STOX2: variants seen among roughly 807,000 people sequenced by gnomAD.
STOX2 encodes the protein storkhead-box protein 2.
Under a neutral mutation model 60.9 loss-of-function variants are expected in STOX2, and 28 were observed. That is an observed-to-expected ratio of 0.46 (90% CI 0.34 to 0.63). STOX2 has a LOEUF of 0.63. STOX2 is among the 30% of genes least tolerant of loss of function. The pLI is 0.01. For missense variants in STOX2, 1,024 were observed against 1,187.7 expected (o/e 0.86, Z 2.03); for synonymous variants, 472 against 463.9 (o/e 1.02, Z -0.22).
chr4:183,843,254 G>A (rs1362176799), intron 1 of STOX2, among the ~76,000 whole-genome samples: 2 of 152,026 alleles, frequency 1.3e-5, no homozygotes, highest in African/African-American at 4.8e-5. Context: ...GACTCTTTTT[G>A]GGAGGAGGGA....
At chr4:184,002,573 C>T (rs1223528784) in intron 2 of STOX2, among the ~76,000 whole-genome samples, 1 of 152,172 alleles carries the variant, frequency 6.6e-6, no homozygotes, top group Non-Finnish European at 1.5e-5. Context: ...TGTACCCATC[C>T]GATTTAGAAA....
chr4:183,819,020 A>AC (rs1228974842), intron 1 of STOX2, among the ~76,000 whole-genome samples: 72 of 151,508 alleles, frequency 4.8e-4, no homozygotes, highest in African/African-American at 1.6e-3. Flanking sequence ...CACTTCCTAG[A>AC]TGGGATGGCG....
chr4:183,903,961 C>T (rs116763126), upstream of STOX2, among the ~76,000 whole-genome samples: 1 of 152,188 alleles, frequency 6.6e-6, no homozygotes, highest in Non-Finnish European at 1.5e-5. Context: ...AATATACACT[C>T]ACCATAATGT....
chr4:183,879,138 C>T (rs1038707349), intron 1 of STOX2, among the ~76,000 whole-genome samples: 4 of 152,126 alleles, frequency 2.6e-5, no homozygotes, highest in Non-Finnish European at 4.4e-5. Context: ...GAAGATTAGA[C>T]GTGTGTATGG....
intron 1 of STOX2, among the ~76,000 whole-genome samples, chr4:183,958,688 T>C (rs1228346612): frequency 6.6e-6 from 1 of 152,212 alleles, no homozygotes; most frequent in Non-Finnish European, 1.5e-5. Flanking sequence ...TGTTGGTTAC[T>C]TGAAGTAAGA....
At position 183,942,335 on chromosome 4, in the gene STOX2, G is replaced by C. The variant is rs187641771; in HGVS notation, c.166+35379G>C. Among the ~76,000 whole-genome samples, 516 of 128,774 alleles carry C rather than the reference G, an allele frequency of 4.0e-3. 13 individuals are homozygous for C. The highest frequency in any genetic ancestry group is 0.029 in the Admixed American group (352 of 12,310). 84.5% of individuals were successfully genotyped at this position (128,774 alleles called of 152,430 possible). On this transcript the variant is annotated intron_variant, in intron 1 of 3. Coordinates refer to ENST00000308497, the MANE Select transcript of STOX2 (RefSeq NM_020225.3). Reference sequence around the variant, plus strand: ...TATATATATATGTGCCAGGCTTCTAGGTTTTTTTTTTTTTTTTTTAGACAA... The same window carrying C: ...TATATATATATGTGCCAGGCTTCTACGTTTTTTTTTTTTTTTTTTAGACAA...
chr4:183,996,254 C>T (rs543498475), intron 1 of STOX2, among the ~76,000 whole-genome samples: 1 of 152,254 alleles, frequency 6.6e-6, no homozygotes, highest in Admixed American at 6.5e-5. Flanking sequence ...CTATCTACTC[C>T]TTTTTTAGAA....
chr4:183,844,875 A>T lies in STOX2; in HGVS notation c.364+46820A>T, dbSNP rs960809663. Among the ~76,000 whole-genome samples, 5 of 152,336 alleles carry T rather than the reference A, an allele frequency of 3.3e-5. No homozygotes were observed. In the East Asian group the frequency reaches 9.6e-4, roughly 29 times the overall value. ...GACTAAAACATGGACTCTGACCCCA[A>T]GGCTAAAATGTTATTTCACATGTGC... is the stretch of plus-strand genomic sequence containing the variant. On this transcript the variant is annotated intron_variant, in intron 1 of 2. Coordinates refer to the STOX2 transcript ENST00000513034.
At chr4:183,799,456 A>G (rs1158243961) in intron 1 of STOX2, among the ~76,000 whole-genome samples, 1 of 152,246 alleles carries the variant, frequency 6.6e-6, no homozygotes, top group Non-Finnish European at 1.5e-5. Context: ...CACCGTATAG[A>G]TTGCTCTACA....
chr4:183,962,931 C>T (rs1743453520), intron 1 of STOX2, among the ~76,000 whole-genome samples: 1 of 152,116 alleles, frequency 6.6e-6, no homozygotes, highest in African/African-American at 2.4e-5. Flanking sequence ...GGTTATTAAG[C>T]AGTAGAAGCA....
chr4:183,813,154 G>T (rs187336353), intron 1 of STOX2, among the ~76,000 whole-genome samples: 223 of 152,180 alleles, frequency 1.5e-3, no homozygotes, highest in African/African-American at 5.3e-3. Flanking sequence ...GAAGCCGAGG[G>T]GGGCAGATCA....
intron 1 of STOX2, among the ~76,000 whole-genome samples, chr4:183,807,258 C>T (rs1397557587): frequency 6.6e-6 from 1 of 152,212 alleles, no homozygotes; most frequent in Non-Finnish European, 1.5e-5. Context: ...AGGCCTGAAC[C>T]ACCGCGCCCG....
intron 1 of STOX2, among the ~76,000 whole-genome samples, chr4:183,973,571 A>G (rs1414357828): frequency 6.6e-6 from 1 of 152,260 alleles, no homozygotes; most frequent in African/African-American, 2.4e-5. Flanking sequence ...TCACTGCCAG[A>G]AGACTTGCTC....
chr4:184,012,929 C>T (rs531571330), intron 3 of STOX2, among the ~76,000 whole-genome samples: 34 of 151,936 alleles, frequency 2.2e-4, no homozygotes, highest in African/African-American at 8.0e-4. Context: ...CTCTTGAGTT[C>T]CCGGTAGTGG....
rs1734056137 is a variant in STOX2, at chr4:184,009,772, A to T, written c.934A>T (p.Met312Leu). Residue 312 changes from methionine to leucine, a missense_variant, in exon 3 of 4, where the codon ATG becomes TTG. Physicochemically the swap from Met to Leu is conservative, Grantham distance 15. Around this residue, in one of 3 missense-constraint regions of STOX2, gnomAD observed 922 missense variants for 1,058.3 expected, o/e 0.87. Coordinates refer to ENST00000308497, the MANE Select transcript of STOX2 (RefSeq NM_020225.3). This position sits in a 1 kb window ranked among gnomAD's most constrained non-coding sequence, Gnocchi z 4.0. ...TPATIPREVE[M>L]EIIRRINPDL... Reference sequence around the variant, plus strand: ...AGCTACGATCCCTCGGGAAGTAGAGATGGAAATCATTAGGCGCATTAACCC... The same window carrying T: ...AGCTACGATCCCTCGGGAAGTAGAGTTGGAAATCATTAGGCGCATTAACCC... The T allele has an allele frequency of 6.2e-7, 1 of 1,613,284 alleles. No individual in the cohort carries two copies. Among genetic ancestry groups the T allele is most frequent in the Non-Finnish European group, 8.5e-7 (1 of 1,179,642 alleles).
chr4:183,942,030 G>C (rs1742766540), intron 1 of STOX2, among the ~76,000 whole-genome samples: 1 of 152,132 alleles, frequency 6.6e-6, no homozygotes, highest in Non-Finnish European at 1.5e-5. Flanking sequence ...TACCTCAGAA[G>C]GATTTAAAAC....
chr4:183,910,816 C>A (rs1436050595), intron 1 of STOX2, among the ~76,000 whole-genome samples: 2 of 152,156 alleles, frequency 1.3e-5, no homozygotes, highest in African/African-American at 2.4e-5. Flanking sequence ...AATTTGAAAG[C>A]AGTTTTGTCT....
chr4:183,970,689 C>T (rs1743718522), intron 1 of STOX2, among the ~76,000 whole-genome samples: 1 of 152,202 alleles, frequency 6.6e-6, no homozygotes, highest in Non-Finnish European at 1.5e-5. Flanking sequence ...CCCACTGGTT[C>T]CCCCACCAAA....
At chr4:183,905,173 C>T (rs758294883), upstream of STOX2, among the ~76,000 whole-genome samples, 5 of 152,236 alleles carry the variant, frequency 3.3e-5, no homozygotes, top group African/African-American at 4.8e-5. Context: ...TGGCTGGGCG[C>T]CTTTAACTCG....
Sources: gnomAD v4.1 joint callset for allele counts (sites outside exome capture counted in the v4.1 genomes callset) on GRCh38, gnomAD v4.1.1 for gene constraint, gnomAD v4.1.1 regional missense constraint, Gnocchi (gnomAD v3.1) non-coding constraint, MANE v1.5 for transcripts, NCBI Gene and HGNC (gene_info 2026-07-23, HGNC 2026-07-21) for gene names.